The following GRIK2 variants were observed in gnomAD, a reference collection of about 807,000 sequenced individuals.
GRIK2 encodes glutamate receptor ionotropic, kainate 2.
A neutral mutation model predicts 100.3 loss-of-function variants in GRIK2; 32 were observed. The observed-to-expected ratio is 0.32, with a 90% CI of 0.24 to 0.43. GRIK2 has a LOEUF of 0.43. GRIK2 is among the 20% of genes least tolerant of loss of function. The pLI is 1.00. For missense variants in GRIK2, 843 were observed against 1,114.9 expected (o/e 0.76, Z 3.47); for synonymous variants, 417 against 389.4 (o/e 1.07, Z -0.83).
At chr6:102,006,080 T>C (rs1271213161) in intron 14 of GRIK2, among the ~76,000 whole-genome samples, 1 of 151,986 alleles carries the variant, frequency 6.6e-6, no homozygotes, top group African/African-American at 2.4e-5. Context: ...ACAAGCACAT[T>C]CTCAGGTATT....
At chr6:101,916,918 G>A (rs1789150585) in intron 12 of GRIK2, among the ~76,000 whole-genome samples, 2 of 151,608 alleles carry the variant, frequency 1.3e-5, no homozygotes, top group African/African-American at 4.8e-5. Context: ...TTAGTCGCAG[G>A]CAAGTCTGCT....
intron 11 of GRIK2, among the ~76,000 whole-genome samples, chr6:101,888,115 A>G (rs1786785728): frequency 6.6e-6 from 1 of 152,134 alleles, no homozygotes; most frequent in Non-Finnish European, 1.5e-5. Flanking sequence ...AGTTGTTTCT[A>G]TATATTTCCC....
At chr6:101,552,991 A>G (rs1776581126) in intron 2 of GRIK2, among the ~76,000 whole-genome samples, 2 of 152,266 alleles carry the variant, frequency 1.3e-5, no homozygotes, top group South Asian at 4.1e-4. Flanking sequence ...AATGTACATG[A>G]CCATATTACT....
chr6:101,482,693 A>G (rs1772596489), intron 2 of GRIK2, among the ~76,000 whole-genome samples: 1 of 152,118 alleles, frequency 6.6e-6, no homozygotes, highest in Non-Finnish European at 1.5e-5. Context: ...AGACTATTAG[A>G]CTAATATAGA....
At chr6:102,036,530 A>G (rs746586229) in intron 15 of GRIK2, among the ~76,000 whole-genome samples, 87 of 151,262 alleles carry the variant, frequency 5.8e-4, no homozygotes, top group Non-Finnish European at 1.6e-4. Context: ...GGGAGAGTGT[A>G]GGGTTGAGTC....
intron 16 of GRIK2, among the ~76,000 whole-genome samples, chr6:102,060,255 TTTTG>T (rs1663682382): frequency 6.6e-6 from 1 of 150,756 alleles, no homozygotes; most frequent in Non-Finnish European, 1.5e-5. Context: ...TTCAAAAACA[TTTTG>T]TGAGGGAACA....
intron 7 of GRIK2, among the ~76,000 whole-genome samples, chr6:101,689,741 A>G (rs1297425651): frequency 1.3e-5 from 2 of 152,086 alleles, no homozygotes; most frequent in Non-Finnish European, 2.9e-5. Context: ...CTTTTAACAT[A>G]TGATATCCCA....
chr6:101,399,001 A>AT lies in GRIK2; in HGVS notation c.-275dup. The AT allele has an allele frequency of 2.3e-6, 1 of 430,002 alleles. No homozygotes were observed. The highest frequency in any genetic ancestry group is 4.1e-6 in the Non-Finnish European group (1 of 243,964). The allele number at this position is 430,002 out of a possible 1,614,324, so 26.6% of individuals were successfully genotyped here. A position where few individuals can be genotyped will look rare whatever the true frequency, so the allele number is the denominator to read the frequency against. On this transcript the variant is annotated 5_prime_UTR_variant, in exon 2 of 17. Coordinates refer to ENST00000369134, the MANE Select transcript of GRIK2 (RefSeq NM_021956.5). ...CTTTCACAGGCTCGCGCGGCCGGAC[A>AT]TTGTGGGTGTGCGTGCTGGATTTCT...
intron 14 of GRIK2, among the ~76,000 whole-genome samples, chr6:101,936,309 C>G (rs1389253571): frequency 6.6e-6 from 1 of 151,740 alleles, no homozygotes; most frequent in African/African-American, 2.4e-5. Context: ...ATTATTTTTC[C>G]TTTATTAATG....
At chr6:101,717,422 A>G (rs575308838) in intron 7 of GRIK2, among the ~76,000 whole-genome samples, 3 of 152,022 alleles carry the variant, frequency 2.0e-5, no homozygotes, top group Non-Finnish European at 4.4e-5. Context: ...AAAAATGGAT[A>G]TATTCAAGCC....
At chr6:101,916,231 A>C (rs1299631377) in intron 12 of GRIK2, among the ~76,000 whole-genome samples, 1 of 151,466 alleles carries the variant, frequency 6.6e-6, no homozygotes, top group African/African-American at 2.4e-5. Flanking sequence ...AATAACATTT[A>C]TTCCATAATA....
chr6:101,458,159 A>T (rs1771107979), intron 2 of GRIK2, among the ~76,000 whole-genome samples: 2 of 151,914 alleles, frequency 1.3e-5, no homozygotes. Flanking sequence ...TTTTTGTTGC[A>T]TATTATATAT....
intron 7 of GRIK2, among the ~76,000 whole-genome samples, chr6:101,714,365 T>C (rs1773920490): frequency 6.6e-6 from 1 of 151,770 alleles, no homozygotes; most frequent in South Asian, 2.1e-4. Flanking sequence ...GAAATGAGTA[T>C]GTTTTTAGAT....
At chr6:101,881,505 G>A (rs1021359948) in intron 11 of GRIK2, among the ~76,000 whole-genome samples, 2 of 151,798 alleles carry the variant, frequency 1.3e-5, no homozygotes, top group African/African-American at 4.8e-5. Flanking sequence ...TTGGAGTATT[G>A]ATATGCAAGA....
chr6:101,438,753 AG>A (rs1473296089), intron 2 of GRIK2, among the ~76,000 whole-genome samples: 4 of 152,182 alleles, frequency 2.6e-5, no homozygotes, highest in Non-Finnish European at 5.9e-5. Context: ...TAAATTGATA[AG>A]GAACAATGTG....
At chr6:101,986,958 A>C (rs530791772) in intron 14 of GRIK2, among the ~76,000 whole-genome samples, 19 of 151,886 alleles carry the variant, frequency 1.3e-4, no homozygotes, top group South Asian at 8.3e-4. Flanking sequence ...TTGACAAAAC[A>C]GTGAGACCCC....
chr6:101,794,076 C>T (rs930721813), intron 7 of GRIK2, among the ~76,000 whole-genome samples: 10 of 152,144 alleles, frequency 6.6e-5, no homozygotes, highest in Non-Finnish European at 1.0e-4. Context: ...GCGCAGTATT[C>T]GGGTGGGAGT....
rs186034271 is a variant in GRIK2 at position 101,625,783 on chromosome 6, A to G, written c.284-597A>G. ...GCATCCAAAAGCCAAATATATAAAGATGACTGAGTACTTGTCTAATGACTT... is the reference window on the plus strand; with the variant it reads ...GCATCCAAAAGCCAAATATATAAAGGTGACTGAGTACTTGTCTAATGACTT... On this transcript the variant is annotated intron_variant, in intron 3 of 16. Coordinates refer to ENST00000369134, the MANE Select transcript of GRIK2 (RefSeq NM_021956.5). Among the ~76,000 whole-genome samples the G allele has an allele frequency of 3.9e-5, 6 of 152,336 alleles. No individual in the cohort carries two copies. The East Asian group carries it at 1.2e-3, about 29-fold the overall frequency.
intron 4 of GRIK2, among the ~76,000 whole-genome samples, chr6:101,634,642 G>A (rs1780919530): frequency 6.6e-6 from 1 of 152,050 alleles, no homozygotes; most frequent in African/African-American, 2.4e-5. Flanking sequence ...GAGTTAGTAG[G>A]TGGGCAGCCA....
Sources: gnomAD v4.1 joint callset for allele counts (sites outside exome capture counted in the v4.1 genomes callset) on GRCh38, gnomAD v4.1.1 for gene constraint, MANE v1.5 for transcripts, NCBI Gene and HGNC (gene_info 2026-07-23, HGNC 2026-07-21) for gene names.